SEMA3E: variants seen among roughly 807,000 people sequenced by gnomAD.
SEMA3E encodes the protein semaphorin 3E.
Under a neutral mutation model 93.6 loss-of-function variants are expected in SEMA3E, and 49 were observed. The observed-to-expected ratio is 0.52, with a 90% CI of 0.42 to 0.66. The LOEUF is 0.66. Among genes scored for constraint, SEMA3E ranks in the 30% least tolerant of loss-of-function variants. The pLI is 0.00. For synonymous variants in SEMA3E, 363 were observed against 330.7 expected, an observed-to-expected ratio of 1.10 and a Z score of -1.06; for missense variants, 906 against 964.8, an observed-to-expected ratio of 0.94 and a Z score of 0.81.
chr7:83,504,088 A>G (rs2115614525), intron 1 of SEMA3E, among the ~76,000 whole-genome samples: 1 of 152,344 alleles, frequency 6.6e-6, no homozygotes, highest in South Asian at 2.1e-4. Context: ...AGGAGTTTGC[A>G]ATCTGACATC....
chr7:83,608,826 G>A (rs1384456509), intron 1 of SEMA3E, among the ~76,000 whole-genome samples: 1 of 151,992 alleles, frequency 6.6e-6, no homozygotes, highest in Non-Finnish European at 1.5e-5. Flanking sequence ...CATGGTTATG[G>A]GCATATTAAA....
At position 83,394,271 on chromosome 7, in the gene SEMA3E, T is replaced by TACAC. The variant is rs71074649; in HGVS notation, c.1500+22_1500+25dup. The TACAC allele has an allele frequency of 4.4e-3, 6,594 of 1,489,712 alleles. 153 individuals carry two copies. In the African/African-American group the frequency reaches 0.078, roughly 18 times the overall value. The allele number at this position is 1,489,712 out of a possible 1,614,324, so 92.3% of individuals were successfully genotyped here. A position where few individuals can be genotyped will look rare whatever the true frequency, so the allele number is the denominator to read the frequency against. On this transcript the variant is annotated intron_variant, in intron 13 of 16. Coordinates refer to ENST00000643230, the MANE Select transcript of SEMA3E (RefSeq NM_012431.3). Reference sequence around the variant, plus strand: ...AGCTCACATATAGAACACACACACCTACACACACACACACACAGAACTTAC... The same window carrying TACAC: ...AGCTCACATATAGAACACACACACCTACACACACACACACACACACAGAACTTAC...
intron 2 of SEMA3E, among the ~76,000 whole-genome samples, chr7:83,479,171 A>G (rs537548600): frequency 1.4e-4 from 21 of 152,238 alleles, no homozygotes; most frequent in African/African-American, 3.9e-4. Context: ...AGCCGAAAAC[A>G]TCAGTCATTA....
intron 1 of SEMA3E, among the ~76,000 whole-genome samples, chr7:83,603,302 T>C (rs1793037900): frequency 6.6e-6 from 1 of 152,134 alleles, no homozygotes; most frequent in Non-Finnish European, 1.5e-5. Context: ...TTAGATTGTT[T>C]TCAGTTCTTT....
At chr7:83,463,697 T>C (rs2115869116) in intron 4 of SEMA3E, among the ~76,000 whole-genome samples, 1 of 152,282 alleles carries the variant, frequency 6.6e-6, no homozygotes, top group East Asian at 1.9e-4. Flanking sequence ...AGGCAGGTTA[T>C]ACTATAGTAC....
rs552505978 is a variant in SEMA3E, at chr7:83,364,331, A to G, written c.*3255T>C. ...AGATTTACAAAACCCTAAAACCTAT[A>G]GCAAATATCGAACACTCATTACAAA... is the stretch of plus-strand genomic sequence containing the variant. On this transcript the variant is annotated 3_prime_UTR_variant, in exon 17 of 17. Coordinates refer to ENST00000643230, the MANE Select transcript of SEMA3E (RefSeq NM_012431.3). The G allele has an allele frequency of 2.6e-5, 4 of 152,368 alleles. No homozygotes were observed. In the South Asian group the frequency reaches 8.3e-4, roughly 32 times the overall value. 9.4% of individuals were successfully genotyped at this position (152,368 alleles called of 1,614,324 possible).
chr7:83,428,347 C>T (rs1029818043), intron 4 of SEMA3E, among the ~76,000 whole-genome samples: 1 of 151,978 alleles, frequency 6.6e-6, no homozygotes, highest in East Asian at 1.9e-4. Context: ...TACTACAGGA[C>T]AAAACAAACA....
intron 4 of SEMA3E, among the ~76,000 whole-genome samples, chr7:83,447,718 G>C (rs376280105): frequency 6.6e-6 from 1 of 152,318 alleles, no homozygotes; most frequent in South Asian, 2.1e-4. Flanking sequence ...TGACATTACA[G>C]ATACAGTTAG....
At chr7:83,635,773 T>C (rs1584378748) in intron 1 of SEMA3E, among the ~76,000 whole-genome samples, 1 of 152,028 alleles carries the variant, frequency 6.6e-6, no homozygotes, top group African/African-American at 2.4e-5. Context: ...AACATAGCCA[T>C]TGCTTTTCCT....
At chr7:83,595,890 G>A (rs1792863141) in intron 1 of SEMA3E, among the ~76,000 whole-genome samples, 1 of 151,920 alleles carries the variant, frequency 6.6e-6, no homozygotes, top group Non-Finnish European at 1.5e-5. Flanking sequence ...ATATTTTAGG[G>A]AGAAATAATT....
At position 83,365,694 on chromosome 7, in the gene SEMA3E, A is replaced by G. The variant is rs1400119559; in HGVS notation, c.*1892T>C. ...TTAAAATGATAACTATTTATGTCTT[A>G]TCTGCCTTTTTAATTTTAAAATTCA... On this transcript the variant is annotated 3_prime_UTR_variant, in exon 17 of 17. Transcript: ENST00000643230. 1.4e-4 allele frequency: 21 copies of G among 152,162 alleles called. No homozygotes were observed. Among genetic ancestry groups the G allele is most frequent in the Admixed American group, 1.3e-3 (20 of 15,278 alleles). The allele number at this position is 152,162 out of a possible 1,614,324, so 9.4% of individuals were successfully genotyped here.
chr7:83,431,671 T>G (rs1461765840), intron 4 of SEMA3E, among the ~76,000 whole-genome samples: 1 of 80,262 alleles, frequency 1.2e-5, no homozygotes, highest in Non-Finnish European at 2.7e-5. Context: ...CCCAAAATGC[T>G]GGAGTTACAA....
chr7:83,587,841 A>G (rs1027860625), intron 1 of SEMA3E, among the ~76,000 whole-genome samples: 2 of 151,974 alleles, frequency 1.3e-5, no homozygotes, highest in Admixed American at 6.6e-5. Context: ...AATTTTTTCA[A>G]CCCAATAAAG....
At chr7:83,490,975 G>C (rs1397819950) in intron 1 of SEMA3E, among the ~76,000 whole-genome samples, 4 of 152,030 alleles carry the variant, frequency 2.6e-5, no homozygotes, top group African/African-American at 7.2e-5. Context: ...AGTACTTAAG[G>C]TTGGTAAAAC....
intron 1 of SEMA3E, among the ~76,000 whole-genome samples, chr7:83,642,939 G>A (rs936780463): frequency 1.1e-4 from 17 of 152,038 alleles, no homozygotes; most frequent in Admixed American, 1.0e-3. Context: ...CTGGATTCCT[G>A]CAGACTAAAT....
intron 1 of SEMA3E, among the ~76,000 whole-genome samples, chr7:83,635,081 A>G (rs1383331047): frequency 6.6e-6 from 1 of 152,076 alleles, no homozygotes; most frequent in East Asian, 1.9e-4. Flanking sequence ...ATTATAAAGT[A>G]TTTGTGGTTA....
chr7:83,457,581 C>T (rs1217177532), intron 4 of SEMA3E, among the ~76,000 whole-genome samples: 2 of 152,184 alleles, frequency 1.3e-5, no homozygotes, highest in African/African-American at 2.4e-5. Flanking sequence ...GAGTTCAACA[C>T]TTCCTTTTCT....
At position 83,610,439 on chromosome 7, in the gene SEMA3E, G is replaced by A. The variant is rs215239; in HGVS notation, c.115+37989C>T. On this transcript the variant is annotated intron_variant, in intron 1 of 16. Transcript: ENST00000643230. ...TAGTTATTAAAATTTAAACTTAATTGTCCCTTGAATTTTTTAATCTTATAG... is the reference window on the plus strand; with the variant it reads ...TAGTTATTAAAATTTAAACTTAATTATCCCTTGAATTTTTTAATCTTATAG... Among the ~76,000 whole-genome samples the A allele has an allele frequency of 2.9e-3, 446 of 151,850 alleles. 2 individuals are homozygous for A. The highest frequency in any genetic ancestry group is 0.01 in the African/African-American group (428 of 41,460).
chr7:83,454,272 A>ATAT (rs1554327288), intron 4 of SEMA3E, among the ~76,000 whole-genome samples: 20 of 110,102 alleles, frequency 1.8e-4, no homozygotes, highest in African/African-American at 8.7e-4. Flanking sequence ...AAAAAAAAAA[A>ATAT]ATATATATAT....
Sources: gnomAD v4.1 joint callset for allele counts (sites outside exome capture counted in the v4.1 genomes callset) on GRCh38, gnomAD v4.1.1 for gene constraint, MANE v1.5 for transcripts, NCBI Gene and HGNC (gene_info 2026-07-23, HGNC 2026-07-21) for gene names.